LAIR1: variants seen among roughly 807,000 people sequenced by gnomAD.
The protein encoded by LAIR1 is leukocyte-associated immunoglobulin-like receptor 1.
A neutral mutation model predicts 32.8 loss-of-function variants in LAIR1; 24 were observed. The observed-to-expected ratio is 0.73, with a 90% CI of 0.53 to 1.03. The LOEUF is 1.03. Among genes scored for constraint, LAIR1 ranks in the 50% least tolerant of loss-of-function variants. The pLI is 0.00. For missense variants in LAIR1, 355 were observed against 347.5 expected (o/e 1.02, Z -0.17); for synonymous variants, 150 against 140.5 (o/e 1.07, Z -0.48).
upstream of LAIR1, among the ~76,000 whole-genome samples, chr19:54,365,570 C>A (rs2082225963): frequency 6.6e-6 from 1 of 152,150 alleles, no homozygotes; most frequent in Non-Finnish European, 1.5e-5. Flanking sequence ...GTGGGTGGAT[C>A]ACCTGAGGCC....
intron 4 of LAIR1, 134 bp from the exon 5 acceptor site, chr19:54,357,100 C>G: frequency 2.8e-6 from 2 of 723,490 alleles, no homozygotes; most frequent in South Asian, 1.8e-5. Context: ...TAGACCAGCA[C>G]CGACCAGCAG....
chr19:54,369,868 C>T (rs1304739553), upstream of LAIR1, among the ~76,000 whole-genome samples: 1 of 150,054 alleles, frequency 6.7e-6, no homozygotes, highest in Admixed American at 6.6e-5. Context: ...CACGTCACTG[C>T]GTTGCTGACC....
At chr19:54,374,205 T>A (rs1486278087), upstream of LAIR1, among the ~76,000 whole-genome samples, 4 of 152,100 alleles carry the variant, frequency 2.6e-5, no homozygotes, top group African/African-American at 9.7e-5. Context: ...TGACACCTGA[T>A]TGATGGACCA....
In LAIR1 at chr19:54,364,269, G is replaced by T; in HGVS notation, c.70+26C>A. The T allele has an allele frequency of 6.2e-7, 1 of 1,607,046 alleles. No homozygotes were observed. Among genetic ancestry groups the T allele is most frequent in the African/African-American group, 1.3e-5 (1 of 74,690 alleles). The stretch of plus-strand genomic sequence containing the variant: ...CCCTTGGGGTGACAGAGGGGACTGG[G>T]AAGATGGGACGAAGGCATGACTTAC... On this transcript the variant is annotated intron_variant, in intron 2 of 9. Transcript: ENST00000391742. This position sits in a 1 kb window ranked among gnomAD's most constrained non-coding sequence, Gnocchi z 4.8.
At chr19:54,367,141 T>G (rs565807789), upstream of LAIR1, among the ~76,000 whole-genome samples, 1 of 152,290 alleles carries the variant, frequency 6.6e-6, no homozygotes, top group African/African-American at 2.4e-5. Context: ...TGACATGAGA[T>G]GTAGTGTGAA....
At chr19:54,365,305 TA>T (rs1444315525), upstream of LAIR1, among the ~76,000 whole-genome samples, 3 of 151,378 alleles carry the variant, frequency 2.0e-5, no homozygotes, top group Non-Finnish European at 4.4e-5. Flanking sequence ...TTTAACACGT[TA>T]AAAATATCCT....
chr19:54,364,036 C>A lies in LAIR1; in HGVS notation c.70+259G>T, dbSNP rs566517317. ...TGTGTACATACGTCATAATATCACA[C>A]TGTACCCCGCAAATTGCAATTATTT... is the stretch of plus-strand genomic sequence containing the variant. On this transcript the variant is annotated intron_variant, in intron 2 of 9. Coordinates refer to ENST00000391742, the MANE Select transcript of LAIR1 (RefSeq NM_002287.6). This position sits in a 1 kb window ranked among gnomAD's most constrained non-coding sequence, Gnocchi z 4.8. Among the ~76,000 whole-genome samples the A allele has an allele frequency of 1.3e-4, 20 of 152,132 alleles. No individual in the cohort carries two copies. The highest frequency in any genetic ancestry group is 3.9e-4 in the Admixed American group (6 of 15,296).
rs532216538 is a variant in LAIR1 at position 54,364,896 on chromosome 19, C to T, written c.-92G>A. On this transcript the variant is annotated 5_prime_UTR_variant, in exon 1 of 10. Coordinates refer to ENST00000391742, the MANE Select transcript of LAIR1 (RefSeq NM_002287.6). The surrounding 1 kb of genome is among the most constrained non-coding windows in gnomAD (Gnocchi z 4.8). The stretch of plus-strand genomic sequence containing the variant: ...ACACAAGCAGACAGGATGTGCTGCC[C>T]GGGGGCCTCCTGCCTATGGGGCTTC... The T allele has an allele frequency of 3.8e-5, 61 of 1,609,174 alleles. 1 individual carries two copies. The highest frequency in any genetic ancestry group is 3.0e-4 in the South Asian group (27 of 90,624).
chr19:54,360,905 G>C lies in LAIR1; in HGVS notation c.364+11C>G. The C allele has an allele frequency of 6.2e-7, 1 of 1,607,006 alleles. No homozygotes were observed. The highest frequency in any genetic ancestry group is 8.5e-7 in the Non-Finnish European group (1 of 1,175,456). On this transcript the variant is annotated intron_variant, in intron 3 of 9. Coordinates refer to ENST00000391742, the MANE Select transcript of LAIR1 (RefSeq NM_002287.6). ...GCTGAGACTGGGGCAGGGCCCAGGT[G>C]ACGTCCTCACCTTTCACCAGCAGCT... is the stretch of plus-strand genomic sequence containing the variant.
rs1264252283 is a variant in LAIR1, at chr19:54,364,721, C to G, written c.34+50G>C. ...GAGTCAGGCTTGAGCAGGGAATTTT[C>G]CAGACCTCCCGACCCCCTTTCCAGC... On this transcript the variant is annotated intron_variant, in intron 1 of 9. Coordinates refer to ENST00000391742, the MANE Select transcript of LAIR1 (RefSeq NM_002287.6). The surrounding 1 kb of genome is among the most constrained non-coding windows in gnomAD (Gnocchi z 4.8). 6.6e-7 allele frequency: 1 copy of G among 1,517,338 alleles called. No individual in the cohort carries two copies. The highest frequency in any genetic ancestry group is 9.1e-7 in the Non-Finnish European group (1 of 1,096,042). The allele number at this position is 1,517,338 out of a possible 1,614,324, so 94.0% of individuals were successfully genotyped here. A position where few individuals can be genotyped will look rare whatever the true frequency, so the allele number is the denominator to read the frequency against.
chr19:54,367,282 G>A (rs1348542112), upstream of LAIR1, among the ~76,000 whole-genome samples: 1 of 152,124 alleles, frequency 6.6e-6, no homozygotes, highest in Non-Finnish European at 1.5e-5. Flanking sequence ...CTTGGATCTC[G>A]TGGACAGACA....
At position 54,360,901 on chromosome 19, in the gene LAIR1, A is replaced by C. The variant is rs1214193152; in HGVS notation, c.364+15T>G. ...TCGAGCTGAGACTGGGGCAGGGCCC[A>C]GGTGACGTCCTCACCTTTCACCAGC... On this transcript the variant is annotated intron_variant, in intron 3 of 9. Transcript: ENST00000391742. 6.2e-7 allele frequency: 1 copy of C among 1,605,186 alleles called. No homozygotes were observed. Among genetic ancestry groups the C allele is most frequent in the South Asian group, 1.1e-5 (1 of 90,250 alleles).
chr19:54,372,188 T>G (rs1050516036), upstream of LAIR1, among the ~76,000 whole-genome samples: 5 of 151,668 alleles, frequency 3.3e-5, no homozygotes, highest in African/African-American at 1.2e-4. Context: ...TATTTAGTTT[T>G]AGAAGAAATT....
chr19:54,356,243 T>C lies in LAIR1; in HGVS notation c.651A>G (p.Leu217=). ...QQRPDLAVDV[L]ERTADKATVN... is the part of the protein sequence containing the mutation. The stretch of plus-strand genomic sequence containing the variant: ...CTCCCCCTTTACCTGCTGTCCTCTC[T>C]AGAACATCAACAGCCAGGTCAGGCC... The change falls in exon 8 of 10, where the codon CTA becomes CTG. Residue 217 remains leucine, a synonymous_variant. Coordinates refer to ENST00000391742, the MANE Select transcript of LAIR1 (RefSeq NM_002287.6). 1 of 1,613,034 alleles carries C rather than the reference T, an allele frequency of 6.2e-7. No individual in the cohort carries two copies. The highest frequency in any genetic ancestry group is 8.5e-7 in the Non-Finnish European group (1 of 1,179,748).
At position 54,359,306 on chromosome 19, in the gene LAIR1, G is replaced by C. The variant is rs146620169; in HGVS notation, c.415+716C>G. Among the ~76,000 whole-genome samples, 41 of 151,602 alleles carry C rather than the reference G, an allele frequency of 2.7e-4. 1 individual carries two copies. Among genetic ancestry groups the C allele is most frequent in the Middle Eastern group, 3.4e-3 (1 of 294 alleles). ...GGAGTTTCTGGTCACAGATCACAGG[G>C]GGAGATGGACAACTTGAGACCCAGG... On this transcript the variant is annotated intron_variant, in intron 4 of 9. Coordinates refer to ENST00000391742, the MANE Select transcript of LAIR1 (RefSeq NM_002287.6).
At chr19:54,365,418 G>A (rs915610468), upstream of LAIR1, among the ~76,000 whole-genome samples, 7 of 152,136 alleles carry the variant, frequency 4.6e-5, no homozygotes, top group African/African-American at 1.7e-4. Context: ...AATCACTATA[G>A]AGAACAGTGG....
Position 54,370,297 on chromosome 19 carries a change from C to T in LAIR1, c.-20G>A, listed in dbSNP as rs776050252. 40 of 1,543,394 alleles carry T rather than the reference C, an allele frequency of 2.6e-5. No homozygotes were observed. In the South Asian group the frequency reaches 4.3e-4, roughly 17 times the overall value. On this transcript the variant is annotated 5_prime_UTR_variant, in exon 1 of 9. Transcript: ENST00000391743. Reference sequence around the variant, plus strand: ...TTCCATCTTCTGTCGCGGATGCAACCCTGGAAGGAAGACCTCAGGACGATG... The same window carrying T: ...TTCCATCTTCTGTCGCGGATGCAACTCTGGAAGGAAGACCTCAGGACGATG...
At chr19:54,375,351 C>T (rs370896500), upstream of LAIR1, among the ~76,000 whole-genome samples, 13,637 of 151,514 alleles carry the variant, frequency 0.09, 710 homozygotes, top group African/African-American at 0.1. Context: ...TGCGCCCGCC[C>T]CGCTGTGCAG....
intron 2 of LAIR1, among the ~76,000 whole-genome samples, chr19:54,361,938 C>A (rs1429196663): frequency 6.6e-6 from 1 of 151,778 alleles, no homozygotes; most frequent in East Asian, 1.9e-4. Context: ...GGGTTTGACG[C>A]CCTGAAACAG....
Sources: allele counts gnomAD v4.1 joint callset (sites outside exome capture counted in the v4.1 genomes callset), GRCh38; gene constraint gnomAD v4.1.1; non-coding constraint Gnocchi (gnomAD v3.1); transcripts MANE v1.5; gene names NCBI Gene and HGNC (gene_info 2026-07-23, HGNC 2026-07-21).